Variants in B3GAT1 observed in about 807,000 individuals in gnomAD.
The protein encoded by B3GAT1 is galactosylgalactosylxylosylprotein 3-beta-glucuronosyltransferase 1.
A neutral mutation model predicts 28.4 loss-of-function variants in B3GAT1; 11 were observed. The ratio of observed to expected loss-of-function variants is 0.39; its 90% CI spans 0.24 to 0.64. The LOEUF (loss-of-function observed/expected upper bound fraction) is 0.64. B3GAT1 is among the 30% of genes least tolerant of loss of function. The pLI, the probability that B3GAT1 is intolerant of heterozygous loss-of-function variation, is 0.50. For missense variants in B3GAT1, 375 were observed against 491.0 expected (o/e 0.76, Z 2.23); for synonymous variants, 255 against 223.1 (o/e 1.14, Z -1.27).
intron 1 of B3GAT1, among the ~76,000 whole-genome samples, chr11:134,404,361 G>T (rs1301221154): frequency 2.0e-5 from 3 of 152,040 alleles, no homozygotes; most frequent in African/African-American, 7.2e-5. Flanking sequence ...GACAGATCTG[G>T]AGATCTGTTT....
chr11:134,383,329 G>C (rs1168179466), intron 3 of B3GAT1, among the ~76,000 whole-genome samples: 1 of 152,002 alleles, frequency 6.6e-6, no homozygotes, highest in African/African-American at 2.4e-5. Flanking sequence ...GACTCCCCTT[G>C]TCCCCGAGAC....
chr11:134,410,055 G>A lies in B3GAT1; in HGVS notation c.-282+1752C>T, dbSNP rs575112646. 2.9e-4 allele frequency among the ~76,000 whole-genome samples: 44 copies of A among 152,230 alleles called. 1 individual carries two copies. In the South Asian group the frequency reaches 9.1e-3, roughly 32 times the overall value. On this transcript the variant is annotated intron_variant, in intron 1 of 5. Coordinates refer to ENST00000312527, the MANE Select transcript of B3GAT1 (RefSeq NM_054025.3). ...TATCTGACTTGGTCCCCTTATCCCC[G>A]AGAAACCACTAAGAGAACCTTCAGG...
At chr11:134,405,053 G>C (rs937924982) in intron 1 of B3GAT1, among the ~76,000 whole-genome samples, 6 of 152,190 alleles carry the variant, frequency 3.9e-5, no homozygotes, top group African/African-American at 1.2e-4. Flanking sequence ...GTGGATGAGG[G>C]AAGAGGAGGG....
chr11:134,404,005 ATATATATATATATATATATATAT>A (rs1180643158), intron 1 of B3GAT1, among the ~76,000 whole-genome samples: 3 of 92,350 alleles, frequency 3.2e-5, no homozygotes, highest in African/African-American at 1.2e-4. Flanking sequence ...ATATATATAT[ATATATATATATATATATATATAT>A]ATTTATTATA....
chr11:134,410,441 G>A (rs1310605871), intron 1 of B3GAT1, among the ~76,000 whole-genome samples: 1 of 152,212 alleles, frequency 6.6e-6, no homozygotes, highest in East Asian at 1.9e-4. Context: ...CCATGAAAAG[G>A]GGAAGAGGGA....
chr11:134,383,609 C>A (rs912278741), intron 3 of B3GAT1, 71 bp downstream of exon 3: 6 of 1,445,502 alleles, frequency 4.2e-6, no homozygotes, highest in Non-Finnish European at 5.5e-6. Flanking sequence ...GCACCCACAC[C>A]CCCTTCTCGG....
chr11:134,383,530 T>C (rs1944186251), intron 3 of B3GAT1, 150 bp downstream of exon 3: 2 of 1,103,856 alleles, frequency 1.8e-6, no homozygotes, highest in Non-Finnish European at 2.5e-6. Context: ...GTTCCATCCC[T>C]TTCCCTGGCT....
chr11:134,382,773 G>A lies in B3GAT1; in HGVS notation c.855C>T (p.Ser285=), dbSNP rs1433239511. The A allele has an allele frequency of 1.2e-6, 2 of 1,614,100 alleles. No individual in the cohort carries two copies. Among genetic ancestry groups the A allele is most frequent in the Non-Finnish European group, 1.7e-6 (2 of 1,180,046 alleles). The change falls in exon 4 of 6, where the codon AGC becomes AGT. Residue 285 remains serine, a synonymous_variant. Coordinates refer to ENST00000312527, the MANE Select transcript of B3GAT1 (RefSeq NM_054025.3). Reference sequence around the variant, plus strand: ...GGGTGACAAGTTCTCGAAGGAGGCTGCTTTCCTGGTAGCCTCCCTTCACAC... The same window carrying A: ...GGGTGACAAGTTCTCGAAGGAGGCTACTTTCCTGGTAGCCTCCCTTCACAC... ...LRGVKGGYQE[S]SLLRELVTLN... is the part of the protein sequence containing the mutation.
At chr11:134,384,225 C>G in intron 2 of B3GAT1, 37 bp from the exon 3 acceptor site, 12 of 1,513,494 alleles carry the variant, frequency 7.9e-6, no homozygotes, top group Non-Finnish European at 9.7e-6. Flanking sequence ...GGGAGGAGAG[C>G]GCCGGCTACG....
chr11:134,379,427 T>C lies in B3GAT1; in HGVS notation c.*1335A>G, dbSNP rs893953. 111,524 of 152,380 alleles carry C rather than the reference T, an allele frequency of 0.73. 40,967 individuals are homozygous for C. Among genetic ancestry groups the C allele is most frequent in the East Asian group, 0.92 (4,756 of 5,142 alleles). 9.4% of individuals were successfully genotyped at this position (152,380 alleles called of 1,614,324 possible). On this transcript the variant is annotated 3_prime_UTR_variant, in exon 6 of 6. Transcript: ENST00000312527. ...CCGGATCACCACTAGAGAGCCCGGC[T>C]GGGCCAGGGGGTCAGAGCCCTTTCC... is the stretch of plus-strand genomic sequence containing the variant.
At position 134,387,785 on chromosome 11, in the gene B3GAT1, T is replaced by A. The variant is rs985405163; in HGVS notation, c.-126A>T. ...AGGCATGGGCCGGGCCGGCCAGGCA[T>A]GGAGAGGACAGAGCAGCTGAATGTT... On this transcript the variant is annotated 5_prime_UTR_variant, in exon 2 of 6. The change abolishes an upstream ATG in the 5' untranslated region. Transcript: ENST00000312527. The A allele has an allele frequency of 4.7e-5, 73 of 1,542,104 alleles. No individual in the cohort carries two copies. The highest frequency in any genetic ancestry group is 6.3e-5 in the Non-Finnish European group (72 of 1,147,512).
rs191456581 is a variant in B3GAT1, at chr11:134,405,318, G to A, written c.-282+6489C>T. 2.0e-3 allele frequency among the ~76,000 whole-genome samples: 300 copies of A among 152,288 alleles called. 2 individuals are homozygous for A. The highest frequency in any genetic ancestry group is 6.7e-3 in the African/African-American group (278 of 41,554). On this transcript the variant is annotated intron_variant, in intron 1 of 5. Coordinates refer to ENST00000312527, the MANE Select transcript of B3GAT1 (RefSeq NM_054025.3). ...CGGGGACCCAGAGGGCTTCAGGTCCGGGCTAGGTAGGCACCGGGCAGCCCC... is the reference window on the plus strand; with the variant it reads ...CGGGGACCCAGAGGGCTTCAGGTCCAGGCTAGGTAGGCACCGGGCAGCCCC...
chr11:134,388,583 T>C (rs901177458), intron 1 of B3GAT1: 1 of 153,250 alleles, frequency 6.5e-6, no homozygotes. Flanking sequence ...GGTATGAGCA[T>C]AGTACCCAAC....
intron 1 of B3GAT1, among the ~76,000 whole-genome samples, chr11:134,402,085 A>C (rs887582035): frequency 6.6e-6 from 1 of 151,992 alleles, no homozygotes; most frequent in African/African-American, 2.4e-5. Flanking sequence ...CAGGTGGACC[A>C]GGCGACAAGG....
At chr11:134,382,121 C>A in intron 4 of B3GAT1, 97 bp from the exon 5 acceptor site, 1 of 944,196 alleles carries the variant, frequency 1.1e-6, no homozygotes, top group Non-Finnish European at 1.7e-6. Flanking sequence ...ATTTCTCCTG[C>A]CCCTCCTTTT....
intron 2 of B3GAT1, 143 bp from the exon 3 acceptor site, chr11:134,384,331 G>T (rs1944223402): frequency 1.8e-6 from 2 of 1,126,538 alleles, no homozygotes; most frequent in East Asian, 2.6e-5. Context: ...TGCCTGACCT[G>T]TTAGCTCTAA....
Position 134,379,775 on chromosome 11 carries a change from G to C in B3GAT1, c.*987C>G, listed in dbSNP as rs544001870. ...TCCCTCCTCTTTCCAGGCTGCAGGA[G>C]GTCCCACCTTGCCCACCACCCACCG... is the stretch of plus-strand genomic sequence containing the variant. On this transcript the variant is annotated 3_prime_UTR_variant, in exon 6 of 6. Coordinates refer to ENST00000312527, the MANE Select transcript of B3GAT1 (RefSeq NM_054025.3). 1 of 133,302 alleles carries C rather than the reference G, an allele frequency of 7.5e-6. No homozygotes were observed. Among genetic ancestry groups the C allele is most frequent in the African/African-American group, 2.6e-5 (1 of 38,700 alleles). The allele number at this position is 133,302 out of a possible 1,614,324, so 8.3% of individuals were successfully genotyped here.
chr11:134,386,174 T>G (rs978109814), intron 2 of B3GAT1: 9 of 152,224 alleles, frequency 5.9e-5, no homozygotes, highest in African/African-American at 2.2e-4. Context: ...CCCTTCCTCA[T>G]GGAAGCTTCA....
chr11:134,397,284 C>T (rs1294300915), intron 1 of B3GAT1, among the ~76,000 whole-genome samples: 1 of 152,218 alleles, frequency 6.6e-6, no homozygotes, highest in Non-Finnish European at 1.5e-5. Context: ...CCAACCCCAG[C>T]CTGCGACCTG....
Sources: allele counts gnomAD v4.1 joint callset (sites outside exome capture counted in the v4.1 genomes callset), GRCh38; gene constraint gnomAD v4.1.1; transcripts MANE v1.5; gene names NCBI Gene and HGNC (gene_info 2026-07-23, HGNC 2026-07-21).